Variants in COL28A1 observed in about 807,000 individuals in gnomAD.
COL28A1 encodes collagen type XXVIII alpha 1 chain.
In COL28A1, 161 loss-of-function variants were observed where a neutral mutation model predicts 150.2. The ratio of observed to expected loss-of-function variants is 1.07; its 90% CI spans 0.94 to 1.22. The LOEUF (loss-of-function observed/expected upper bound fraction) is 1.22. Ranked by LOEUF, COL28A1 falls within the 50% of genes most tolerant of loss-of-function variation. COL28A1 has a pLI of 0.00. For synonymous variants in COL28A1, 552 were observed against 469.7 expected (o/e 1.18, Z -2.26); for missense variants, 1,617 against 1,388.3 (o/e 1.16, Z -2.62).
the COL28A1 span, among the ~76,000 whole-genome samples, chr7:7,351,035 T>C: frequency 2.6e-5 from 4 of 152,314 alleles, no homozygotes; most frequent in Admixed American, 2.0e-4. Context: ...ATTCTGACTA[T>C]GTAATTTCTC....
intron 2 of COL28A1, among the ~76,000 whole-genome samples, chr7:7,532,541 A>G (rs1314501308): frequency 6.6e-6 from 1 of 152,144 alleles, no homozygotes; most frequent in Non-Finnish European, 1.5e-5. Flanking sequence ...TGAGGCTCAA[A>G]TGAGATAATA....
chr7:7,367,029 C>T (rs1780968172), intron 33 of COL28A1, among the ~76,000 whole-genome samples: 1 of 152,190 alleles, frequency 6.6e-6, no homozygotes, highest in Admixed American at 6.5e-5. Context: ...TTTGGTCAAC[C>T]ACACACATAC....
chr7:7,493,072 A>C (rs1780014576), intron 11 of COL28A1, among the ~76,000 whole-genome samples: 1 of 145,936 alleles, frequency 6.9e-6, no homozygotes, highest in Non-Finnish European at 1.5e-5. Context: ...ATATATATAT[A>C]CCATTAAAAA....
intron 27 of COL28A1, among the ~76,000 whole-genome samples, chr7:7,386,261 G>C (rs747698804): frequency 2.0e-5 from 3 of 152,006 alleles, no homozygotes; most frequent in Admixed American, 1.3e-4. Flanking sequence ...TTTTTCTTTC[G>C]AAATGTTTTC....
chr7:7,454,784 C>G (rs753213267), intron 16 of COL28A1, among the ~76,000 whole-genome samples: 1 of 152,170 alleles, frequency 6.6e-6, no homozygotes, highest in Non-Finnish European at 1.5e-5. Flanking sequence ...CCTGCTAAAA[C>G]CAACAAATAA....
At chr7:7,447,275 A>G (rs934875106) in intron 18 of COL28A1, among the ~76,000 whole-genome samples, 6 of 152,174 alleles carry the variant, frequency 3.9e-5, no homozygotes, top group African/African-American at 1.2e-4. Flanking sequence ...GGTAAAATTC[A>G]CAATGTGGGG....
chr7:7,406,242 ATTGT>A (rs1246269138), intron 27 of COL28A1, among the ~76,000 whole-genome samples: 3 of 152,334 alleles, frequency 2.0e-5, no homozygotes, highest in Non-Finnish European at 2.9e-5. Context: ...GAATCCAATA[ATTGT>A]TTGTTGAATT....
At chr7:7,508,918 C>T (rs1023587430) in intron 9 of COL28A1, among the ~76,000 whole-genome samples, 2 of 152,304 alleles carry the variant, frequency 1.3e-5, no homozygotes, top group South Asian at 2.1e-4. Context: ...ACTGCAACCT[C>T]TGCCTCCCAG....
intron 25 of COL28A1, 87 bp from the exon 26 acceptor site, chr7:7,420,040 C>T (rs1000261874): frequency 1.2e-6 from 1 of 802,756 alleles, no homozygotes; most frequent in Non-Finnish European, 1.8e-6. Context: ...TCAAAAACTT[C>T]TTGAATGTGA....
intron 25 of COL28A1, among the ~76,000 whole-genome samples, chr7:7,431,024 A>G (rs1784933303): frequency 6.6e-6 from 1 of 152,188 alleles, no homozygotes; most frequent in Non-Finnish European, 1.5e-5. Flanking sequence ...CCTTTTAAAG[A>G]TGAAATTTAG....
At chr7:7,506,659 T>C (rs1780826839) in intron 10 of COL28A1, among the ~76,000 whole-genome samples, 1 of 152,240 alleles carries the variant, frequency 6.6e-6, no homozygotes, top group Non-Finnish European at 1.5e-5. Context: ...TCTATGGATG[T>C]CTAACTTAAA....
At chr7:7,437,294 C>T (rs938695419) in intron 22 of COL28A1, 100 bp downstream of exon 22, 24 of 1,463,458 alleles carry the variant, frequency 1.6e-5, no homozygotes, top group Non-Finnish European at 2.2e-5. Flanking sequence ...ATTTCTAAGG[C>T]TCTTCCAAAA....
chr7:7,429,112 C>T (rs1784797059), intron 25 of COL28A1, among the ~76,000 whole-genome samples: 1 of 152,178 alleles, frequency 6.6e-6, no homozygotes, highest in Non-Finnish European at 1.5e-5. Context: ...CATTTCAAAA[C>T]ACATTTGTTT....
intron 31 of COL28A1, among the ~76,000 whole-genome samples, chr7:7,374,038 A>AAAAAAAAAAAAATATATATAT: frequency 1.8e-5 from 2 of 113,626 alleles, no homozygotes; most frequent in African/African-American, 7.6e-5. Context: ...AAAAAAAAAA[A>AAAAAAAAAAAAATATATATAT]ATATATATAT....
chr7:7,452,337 A>G lies in COL28A1; in HGVS notation c.1491T>C (p.Ile497=). 6.2e-7 allele frequency: 1 copy of G among 1,606,634 alleles called. No homozygotes were observed. The highest frequency in any genetic ancestry group is 8.5e-7 in the Non-Finnish European group (1 of 1,178,374). The change falls in exon 18 of 35, where the codon ATT becomes ATC. Residue 497 remains isoleucine, a synonymous_variant. Coordinates refer to ENST00000399429, the MANE Select transcript of COL28A1 (RefSeq NM_001037763.3). ...GPTGPRGPVG[I]GVQGPKGEPG... ...AACTCACCTTTGGACCTTGTACTCC[A>G]ATTCCCACTGGTCCTCGAGGGCCTG... is the stretch of plus-strand genomic sequence containing the variant.
chr7:7,409,703 A>G (rs1397263907), intron 27 of COL28A1, among the ~76,000 whole-genome samples: 3 of 152,174 alleles, frequency 2.0e-5, no homozygotes, highest in Non-Finnish European at 4.4e-5. Flanking sequence ...GAATTTGGAA[A>G]CTATAGTAAA....
At chr7:7,340,280 A>G in the COL28A1 span, among the ~76,000 whole-genome samples, 2 of 152,166 alleles carry the variant, frequency 1.3e-5, no homozygotes, top group South Asian at 2.1e-4. Context: ...TTTGAAAACC[A>G]TATCAAGAAA....
chr7:7,431,286 GTA>G, intron 25 of COL28A1: 1 of 243,864 alleles, frequency 4.1e-6, no homozygotes, highest in East Asian at 9.9e-5. Context: ...CTACTGAATG[GTA>G]CACCTAGTTC....
chr7:7,461,550 C>T (rs373532038), intron 15 of COL28A1, among the ~76,000 whole-genome samples: 18 of 152,210 alleles, frequency 1.2e-4, no homozygotes, highest in Admixed American at 2.6e-4. Flanking sequence ...TGGGAGGGCA[C>T]GGTGGGAGTC....
Sources: gnomAD v4.1 joint callset for allele counts (sites outside exome capture counted in the v4.1 genomes callset) on GRCh38, gnomAD v4.1.1 for gene constraint, MANE v1.5 for transcripts, NCBI Gene and HGNC (gene_info 2026-07-23, HGNC 2026-07-21) for gene names.